The following DLEC1 variants were observed in gnomAD, a reference collection of about 807,000 sequenced individuals.
DLEC1 encodes the protein DLEC1 cilia and flagella associated protein, also known as deleted in lung and esophageal cancer protein 1.
DLEC1 carries 146 observed loss-of-function variants against 198.1 expected under a neutral mutation model. The observed-to-expected ratio is 0.74, with a 90% CI of 0.64 to 0.85. The LOEUF (loss-of-function observed/expected upper bound fraction) is 0.85, where lower values mean the gene tolerates loss of function less well. Ranked by LOEUF, DLEC1 falls within the 40% of genes least tolerant of loss-of-function variation. The probability of loss-of-function intolerance (pLI) is 0.00; values close to 1 mark genes in which losing one functional copy is unlikely to be tolerated. For synonymous variants in DLEC1, 897 were observed against 866.8 expected (o/e 1.03, Z -0.61); for missense variants, 2,233 against 2,220.0 (o/e 1.01, Z -0.12).
intron 36 of DLEC1, 30 bp downstream of exon 36, chr3:38,122,224 G>T (rs766751164): frequency 6.8e-6 from 11 of 1,609,974 alleles, no homozygotes; most frequent in Non-Finnish European, 8.5e-7. Context: ...TCCCCAAACT[G>T]CCCACAGAGC....
Position 38,097,607 on chromosome 3 carries a change from A to T in DLEC1, c.2535A>T (p.Pro845=), listed in dbSNP as rs752693909. The T allele has an allele frequency of 3.1e-6, 5 of 1,614,178 alleles. No homozygotes were observed. In the East Asian group the frequency reaches 1.1e-4, roughly 36 times the overall value. The change falls in exon 17 of 37, where the codon CCA becomes CCT. Residue 845 remains proline (P), a synonymous_variant. Transcript: ENST00000308059. ...LLCEIEDSPS[P]VVLHIEAVFK... is the part of the protein sequence containing the mutation. ...GTGAAATCGAAGACTCGCCCTCGCC[A>T]GTGGTGTTACACATTGAGGCTGTCT...
chr3:38,109,367 G>C, intron 21 of DLEC1, 65 bp from the exon 22 acceptor site: 1 of 1,598,486 alleles, frequency 6.3e-7, no homozygotes, highest in Non-Finnish European at 8.5e-7. Context: ...TGCTGCGGAA[G>C]ACCATCTGGG....
chr3:38,099,604 C>T (rs1378025119), intron 18 of DLEC1, among the ~76,000 whole-genome samples: 1 of 152,142 alleles, frequency 6.6e-6, no homozygotes, highest in Non-Finnish European at 1.5e-5. Flanking sequence ...GCAACAAAGA[C>T]AAAATAAAGC....
At position 38,120,607 on chromosome 3, in the gene DLEC1, C is replaced by G; in HGVS notation, c.4864C>G (p.Gln1622Glu). Reference sequence around the variant, plus strand: ...CCTGGAGTACACCAACCAGACCACTCAGGCACGCCCCAGGCCCACCTACAT... The same window carrying G: ...CCTGGAGTACACCAACCAGACCACTGAGGCACGCCCCAGGCCCACCTACAT... Reference protein sequence around the residue: ...LLLEYTNQTTQVVPLRAVVAV... With the variant: ...LLLEYTNQTTEVVPLRAVVAV... The change falls in exon 34 of 37, where the codon CAG (glutamine) becomes GAG (glutamate). Residue 1622 changes from glutamine (Q) to glutamate (E), a missense_variant and splice_region_variant. Gln to Glu is a conservative substitution (Grantham distance 29, BLOSUM62 2). Coordinates refer to ENST00000308059, the MANE Select transcript of DLEC1 (RefSeq NM_007335.4). 1 of 1,613,058 alleles carries G rather than the reference C, an allele frequency of 6.2e-7. No individual in the cohort carries two copies. The highest frequency in any genetic ancestry group is 8.5e-7 in the Non-Finnish European group (1 of 1,179,990).
chr3:38,108,381 C>G, intron 20 of DLEC1, 24 bp from the exon 21 acceptor site: 1 of 1,594,726 alleles, frequency 6.3e-7, no homozygotes, highest in Non-Finnish European at 8.6e-7. Flanking sequence ...TAAGTGACAA[C>G]AGGCTCACTC....
At chr3:38,072,432 G>A (rs1172686297) in intron 6 of DLEC1, among the ~76,000 whole-genome samples, 1 of 152,190 alleles carries the variant, frequency 6.6e-6, no homozygotes, top group East Asian at 1.9e-4. Context: ...GGACAAAAAG[G>A]CTACAGGACG....
At chr3:38,079,649 G>A (rs1465959476) in intron 6 of DLEC1, among the ~76,000 whole-genome samples, 1 of 152,206 alleles carries the variant, frequency 6.6e-6, no homozygotes, top group Admixed American at 6.5e-5. Context: ...CCGATTTCCA[G>A]TGGGGTCCCA....
At chr3:38,111,285 T>C (rs147771865) in intron 23 of DLEC1, among the ~76,000 whole-genome samples, 1 of 152,298 alleles carries the variant, frequency 6.6e-6, no homozygotes, top group African/African-American at 2.4e-5. Flanking sequence ...GCTGGACAGA[T>C]GTCAGCAGGA....
intron 4 of DLEC1, 28 bp from the exon 5 acceptor site, chr3:38,062,553 T>C: frequency 1.2e-6 from 2 of 1,612,834 alleles, no homozygotes; most frequent in Non-Finnish European, 8.5e-7. Flanking sequence ...TGCCTGTCAT[T>C]GACTCTATGC....
At chr3:38,113,139 C>T (rs994805355) in intron 25 of DLEC1, among the ~76,000 whole-genome samples, 10 of 152,174 alleles carry the variant, frequency 6.6e-5, no homozygotes, top group African/African-American at 1.9e-4. Context: ...TACAGACAGA[C>T]GGCCAATAAA....
At chr3:38,110,604 C>T (rs1341062335) in intron 23 of DLEC1, among the ~76,000 whole-genome samples, 1 of 152,156 alleles carries the variant, frequency 6.6e-6, no homozygotes, top group Non-Finnish European at 1.5e-5. Context: ...CTGTGCAGGC[C>T]AAAGGGTGGG....
intron 8 of DLEC1, 52 bp from the exon 9 acceptor site, chr3:38,086,189 C>A: frequency 6.4e-7 from 1 of 1,566,500 alleles, no homozygotes; most frequent in South Asian, 1.2e-5. Flanking sequence ...ACAGTAGGGC[C>A]TATTAAGAGT....
At position 38,097,613 on chromosome 3, in the gene DLEC1, G is replaced by A; in HGVS notation, c.2541G>A (p.Val847=). 6.2e-7 allele frequency: 1 copy of A among 1,614,236 alleles called. No homozygotes were observed. Among genetic ancestry groups the A allele is most frequent in the African/African-American group, 1.3e-5 (1 of 75,056 alleles). Residue 847 remains valine (V), a synonymous_variant, in exon 17 of 37, where the codon GTG becomes GTA. Transcript: ENST00000308059. ...TCGAAGACTCGCCCTCGCCAGTGGT[G>A]TTACACATTGAGGCTGTCTTTAAGG... ...CEIEDSPSPV[V]LHIEAVFKGP... is the part of the protein sequence containing the mutation.
At chr3:38,041,847 CAAAA>C (rs751455053) in intron 1 of DLEC1, among the ~76,000 whole-genome samples, 2 of 71,694 alleles carry the variant, frequency 2.8e-5, no homozygotes, top group African/African-American at 5.1e-5. Flanking sequence ...GACTCCGTTT[CAAAA>C]AAAAAAAAAA....
Position 38,120,444 on chromosome 3 carries a change from T to C in DLEC1, c.4705-4T>C, listed in dbSNP as rs1700388356. ...GAGTTGACACCATGTCCACATCTGC[T>C]CAGGTGAACGTGTCCTTCTCACTCT... On this transcript the variant is annotated splice_region_variant and splice_polypyrimidine_tract_variant and intron_variant, in intron 33 of 36. Transcript: ENST00000308059. 2 of 1,614,010 alleles carry C rather than the reference T, an allele frequency of 1.2e-6. No homozygotes were observed. Among genetic ancestry groups the C allele is most frequent in the South Asian group, 1.1e-5 (1 of 91,088 alleles).
chr3:38,108,307 T>C (rs577702178), intron 20 of DLEC1, 98 bp from the exon 21 acceptor site: 10 of 1,010,084 alleles, frequency 9.9e-6, no homozygotes, highest in Admixed American at 8.3e-5. Context: ...AGTCTGCCAG[T>C]CTCCAGCATT....
At position 38,063,929 on chromosome 3, in the gene DLEC1, T is replaced by C. The variant is rs1469342927; in HGVS notation, c.1173+10T>C. ...TGGTCCAGTTTATGAGGTAGACATCTTGTTTCTTTACAGCTCCCACCCCAT... is the reference window on the plus strand; with the variant it reads ...TGGTCCAGTTTATGAGGTAGACATCCTGTTTCTTTACAGCTCCCACCCCAT... On this transcript the variant is annotated intron_variant, in intron 6 of 36. Transcript: ENST00000308059. The C allele has an allele frequency of 2.5e-6, 4 of 1,599,800 alleles. No homozygotes were observed. Among genetic ancestry groups the C allele is most frequent in the Non-Finnish European group, 1.7e-6 (2 of 1,168,362 alleles).
intron 2 of DLEC1, among the ~76,000 whole-genome samples, chr3:38,048,295 C>T (rs1042046664): frequency 4.6e-5 from 7 of 152,190 alleles, no homozygotes; most frequent in Non-Finnish European, 1.0e-4. Context: ...AAGACCTTGA[C>T]CTGTTCTCCT....
At chr3:38,047,505 G>T (rs1008054035) in intron 2 of DLEC1, among the ~76,000 whole-genome samples, 1 of 152,090 alleles carries the variant, frequency 6.6e-6, no homozygotes, top group Non-Finnish European at 1.5e-5. Flanking sequence ...ATGTTCTTAG[G>T]GGGCAATTAA....
Sources: gnomAD v4.1 joint callset for allele counts (sites outside exome capture counted in the v4.1 genomes callset) on GRCh38, gnomAD v4.1.1 for gene constraint, MANE v1.5 for transcripts, NCBI Gene and HGNC (gene_info 2026-07-23, HGNC 2026-07-21) for gene names.